LPP: variants seen among roughly 807,000 people sequenced by gnomAD.
LPP encodes the protein lipoma-preferred partner.
Under a neutral mutation model 60.4 loss-of-function variants are expected in LPP, and 38 were observed. The ratio of observed to expected loss-of-function variants is 0.63; its 90% CI spans 0.49 to 0.83. The LOEUF is 0.83. Ranked by LOEUF, LPP falls within the 40% of genes least tolerant of loss-of-function variation. The pLI is 0.00. For missense variants in LPP, 902 were observed against 783.6 expected, an observed-to-expected ratio of 1.15 and a Z score of -1.80; for synonymous variants, 328 against 290.8, an observed-to-expected ratio of 1.13 and a Z score of -1.30.
intron 1 of LPP, among the ~76,000 whole-genome samples, chr3:188,176,728 T>C (rs1723145527): frequency 6.6e-6 from 1 of 152,162 alleles, no homozygotes; most frequent in African/African-American, 2.4e-5. Context: ...CAGTCATACC[T>C]CCTAGGACTG....
intron 1 of LPP, among the ~76,000 whole-genome samples, chr3:188,206,576 T>C (rs1485153634): frequency 6.6e-6 from 1 of 152,184 alleles, no homozygotes; most frequent in Non-Finnish European, 1.5e-5. Context: ...ATATAAACTT[T>C]TGTCAACTAT....
At chr3:188,457,737 A>ATATATATATATATATATATTG in intron 4 of LPP, among the ~76,000 whole-genome samples, 1 of 76,108 alleles carries the variant, frequency 1.3e-5, no homozygotes, top group Non-Finnish European at 2.6e-5. Context: ...CTAAAAAAAA[A>ATATATATATATATATATATTG]AAATATATAT....
chr3:188,476,279 A>G (rs556368734), intron 4 of LPP, among the ~76,000 whole-genome samples: 36 of 152,322 alleles, frequency 2.4e-4, no homozygotes, highest in Admixed American at 2.2e-3. Context: ...CACTCGATGA[A>G]TAAATAGTTG....
At chr3:188,395,561 A>G (rs576562655) in intron 3 of LPP, among the ~76,000 whole-genome samples, 1 of 152,244 alleles carries the variant, frequency 6.6e-6, no homozygotes, top group South Asian at 2.1e-4. Context: ...ATTTAAGATG[A>G]TATGTAATTA....
chr3:188,561,060 T>C (rs13065981), intron 6 of LPP, among the ~76,000 whole-genome samples: 84,287 of 151,912 alleles, frequency 0.55, 23,948 homozygotes, highest in East Asian at 0.92. Flanking sequence ...AATCCAAGTT[T>C]GAATGTCTGT....
intron 6 of LPP, among the ~76,000 whole-genome samples, chr3:188,559,221 C>T (rs1480672825): frequency 6.6e-6 from 1 of 152,066 alleles, no homozygotes; most frequent in African/African-American, 2.4e-5. Context: ...TATGACTCAA[C>T]CTTCAGCTGT....
At chr3:188,757,915 T>C (rs1355205639) in intron 8 of LPP, among the ~76,000 whole-genome samples, 1 of 137,562 alleles carries the variant, frequency 7.3e-6, no homozygotes, top group Non-Finnish European at 1.6e-5. Flanking sequence ...TTTTTCAGAA[T>C]AATTTCAAAA....
Position 188,883,828 on chromosome 3 carries a change from C to G in LPP, c.*9349C>G, listed in dbSNP as rs988683090. On this transcript the variant is annotated 3_prime_UTR_variant, in exon 12 of 12. Coordinates refer to ENST00000617246, the MANE Select transcript of LPP (RefSeq NM_001375462.1). ...CAAAAGCAAAAGATAGTGGTATTGC[C>G]GAAAACTCATTATTTCTAGTTAGTT... 4.7e-6 allele frequency: 1 copy of G among 214,766 alleles called. No individual in the cohort carries two copies. Among genetic ancestry groups the G allele is most frequent in the Non-Finnish European group, 9.4e-6 (1 of 106,690 alleles). 13.3% of individuals were successfully genotyped at this position (214,766 alleles called of 1,614,324 possible). A position where few individuals can be genotyped will look rare whatever the true frequency, so the allele number is the denominator to read the frequency against.
chr3:188,486,192 A>G (rs1275952713), intron 5 of LPP, among the ~76,000 whole-genome samples: 1 of 152,180 alleles, frequency 6.6e-6, no homozygotes, highest in African/African-American at 2.4e-5. Context: ...GTCTTAGGGA[A>G]CAACTGCTTA....
intron 1 of LPP, among the ~76,000 whole-genome samples, chr3:188,161,173 TTTA>T (rs1467622175): frequency 6.6e-6 from 1 of 151,878 alleles, no homozygotes; most frequent in Non-Finnish European, 1.5e-5. Flanking sequence ...CAGGAAGGCT[TTTA>T]TTATTATTAT....
At chr3:188,210,996 C>T (rs1734552026) in intron 1 of LPP, among the ~76,000 whole-genome samples, 1 of 152,172 alleles carries the variant, frequency 6.6e-6, no homozygotes, top group African/African-American at 2.4e-5. Context: ...TTAATAGTAA[C>T]TTATATTTGT....
intron 7 of LPP, among the ~76,000 whole-genome samples, chr3:188,634,537 G>T (rs777910121): frequency 1.1e-4 from 16 of 152,236 alleles, no homozygotes; most frequent in Non-Finnish European, 2.2e-4. Flanking sequence ...AGTGGGCGAA[G>T]CTTCATCTGT....
At chr3:188,291,400 C>G (rs113047194) in intron 2 of LPP, among the ~76,000 whole-genome samples, 19,123 of 151,950 alleles carry the variant, frequency 0.13, 1,347 homozygotes, top group Non-Finnish European at 0.15. Flanking sequence ...AGCACTTTGG[C>G]AGGCCCAGGC....
chr3:188,785,812 T>C (rs1741677751), intron 9 of LPP, among the ~76,000 whole-genome samples: 1 of 151,942 alleles, frequency 6.6e-6, no homozygotes, highest in African/African-American at 2.4e-5. Context: ...GCCTGCTGAT[T>C]TTCTCTTTAC....
intron 2 of LPP, among the ~76,000 whole-genome samples, chr3:188,240,663 A>G: frequency 6.6e-6 from 1 of 151,902 alleles, no homozygotes. Flanking sequence ...TAACTATCCA[A>G]TCATGTCAAC....
chr3:188,173,681 T>C (rs775274223), intron 1 of LPP, among the ~76,000 whole-genome samples: 13 of 152,138 alleles, frequency 8.5e-5, no homozygotes, highest in Non-Finnish European at 1.8e-4. Flanking sequence ...TTTCTTCCCC[T>C]GATTTATCTC....
chr3:188,799,917 A>G (rs2151133414), intron 9 of LPP, among the ~76,000 whole-genome samples: 1 of 152,322 alleles, frequency 6.6e-6, no homozygotes, highest in Non-Finnish European at 1.5e-5. Context: ...AGAGGAAGCC[A>G]CTAGCAGTTG....
rs79302281 is a variant in LPP, at chr3:188,248,362, G to T, written c.-67+22835G>T. Among the ~76,000 whole-genome samples the T allele has an allele frequency of 1.3e-3, 201 of 151,148 alleles. 1 individual carries two copies. Among genetic ancestry groups the T allele is most frequent in the African/African-American group, 4.6e-3 (190 of 41,096 alleles). On this transcript the variant is annotated intron_variant, in intron 2 of 11. Transcript: ENST00000617246. ...TATTTCATTGCTTTAATTGTTCAAG[G>T]TCTTTTAAAAGCGTGTGCAATAAAA...
At chr3:188,244,422 T>A (rs1726130922) in intron 2 of LPP, among the ~76,000 whole-genome samples, 1 of 152,172 alleles carries the variant, frequency 6.6e-6, no homozygotes, top group Non-Finnish European at 1.5e-5. Context: ...CAACTTGGGT[T>A]CTGGGTTCCA....
Sources: allele counts gnomAD v4.1 joint callset (sites outside exome capture counted in the v4.1 genomes callset), GRCh38; gene constraint gnomAD v4.1.1; transcripts MANE v1.5; gene names NCBI Gene and HGNC (gene_info 2026-07-23, HGNC 2026-07-21).